Variants in DNAH10 observed in about 807,000 individuals in gnomAD.
DNAH10 encodes axonemal beta dynein heavy chain 10.
Under a neutral mutation model 506.6 loss-of-function variants are expected in DNAH10, and 348 were observed. The observed-to-expected ratio is 0.69, with a 90% CI of 0.63 to 0.75. The LOEUF is 0.75. Ranked by LOEUF, DNAH10 falls within the 30% of genes least tolerant of loss-of-function variation. The pLI is 0.00. For missense variants in DNAH10, 5,179 were observed against 5,787.1 expected (o/e 0.89, Z 3.41); for synonymous variants, 2,059 against 2,198.6 (o/e 0.94, Z 1.78).
chr12:123,934,022 GAACAA>G, intron 77 of DNAH10: 1 of 514,234 alleles, frequency 1.9e-6, no homozygotes, highest in South Asian at 3.4e-5. Context: ...TAACTGCAAG[GAACAA>G]AAGCTCTTTT....
At chr12:123,889,056 G>T (rs1299281029) in intron 52 of DNAH10, among the ~76,000 whole-genome samples, 1 of 152,178 alleles carries the variant, frequency 6.6e-6, no homozygotes. Context: ...GAGGCTGAAA[G>T]AATTTTTTCT....
At chr12:123,872,783 A>G (rs1321067729) in intron 45 of DNAH10, among the ~76,000 whole-genome samples, 3 of 152,190 alleles carry the variant, frequency 2.0e-5, no homozygotes, top group Non-Finnish European at 4.4e-5. Context: ...ACTGCACTCC[A>G]ACCTGGGCAA....
chr12:123,870,225 C>T, intron 43 of DNAH10, 141 bp from the exon 44 acceptor site: 1 of 1,080,066 alleles, frequency 9.3e-7, no homozygotes, highest in Non-Finnish European at 1.3e-6. Context: ...CGGTATCTGT[C>T]CAGTGAAGGA....
In DNAH10 at chr12:123,830,648, T is replaced by A; in HGVS notation, c.4494T>A (p.Asp1498Glu). Residue 1498 changes from aspartate (D) to glutamate (E), a missense_variant, in exon 26 of 79, where the codon GAT becomes GAA. Asp to Glu is a conservative substitution (Grantham distance 45). Coordinates refer to ENST00000673944, the MANE Select transcript of DNAH10 (RefSeq NM_001372106.1). ...CTATGGAACTGCACAAACACACAGA[T>A]GTTCTCAATGAGATTGTCACAGCAG... Reference protein sequence around the residue: ...MFAMELHKHTDVLNEIVTAAI... With the variant: ...MFAMELHKHTEVLNEIVTAAI... 1 of 1,613,786 alleles carries A rather than the reference T, an allele frequency of 6.2e-7. No homozygotes were observed.
In DNAH10 at chr12:123,777,672, G is replaced by T. The variant is rs149868044; in HGVS notation, c.621+3408G>T. ...TTTATTTACTTATTTTTGAGACAGC[G>T]TCTCATTCTGCCACCTAGGCTGGAG... On this transcript the variant is annotated intron_variant, in intron 5 of 78. Coordinates refer to ENST00000673944, the MANE Select transcript of DNAH10 (RefSeq NM_001372106.1). Among the ~76,000 whole-genome samples, 678 of 152,200 alleles carry T rather than the reference G, an allele frequency of 4.5e-3. 6 individuals carry two copies. The highest frequency in any genetic ancestry group is 0.015 in the African/African-American group (630 of 41,518).
intron 10 of DNAH10, among the ~76,000 whole-genome samples, chr12:123,788,395 T>G (rs1043041229): frequency 6.6e-6 from 1 of 152,206 alleles, no homozygotes; most frequent in African/African-American, 2.4e-5. Flanking sequence ...GCTCCACGGA[T>G]GGACAAAGTG....
chr12:123,871,431 GC>G, intron 44 of DNAH10, 25 bp from the exon 45 acceptor site: 2 of 1,580,212 alleles, frequency 1.3e-6, no homozygotes, highest in Non-Finnish European at 8.6e-7. Flanking sequence ...TTGCTGAGAT[GC>G]CCCTGTTCCT....
rs759860723 is a variant in DNAH10 at position 123,813,619 on chromosome 12, T to A, written c.3600T>A (p.Tyr1200Ter). The A allele has an allele frequency of 5.6e-6, 9 of 1,614,088 alleles. No homozygotes were observed. Among genetic ancestry groups the A allele is most frequent in the Non-Finnish European group, 1.7e-6 (2 of 1,180,028 alleles). ...LLNESAKEEL[Y>*]NLHEEMEHLA... ...ATGAGTCAGCAAAAGAGGAGCTCTATAATCTCCATGAAGAGATGGAGGTAC... is the reference window on the plus strand; with the variant it reads ...ATGAGTCAGCAAAAGAGGAGCTCTAAAATCTCCATGAAGAGATGGAGGTAC... The change falls in exon 20 of 79, where the codon TAT (tyrosine) becomes TAA (stop). Residue 1200 changes from tyrosine to a stop codon, truncating the protein, a stop_gained. Transcript: ENST00000673944. LOFTEE classifies it high-confidence loss of function.
Position 123,857,086 on chromosome 12 carries a change from A to G in DNAH10, c.6469A>G (p.Met2157Val), listed in dbSNP as rs1951423528. Residue 2157 changes from methionine to valine, a missense_variant, in exon 37 of 79, where the codon ATG becomes GTG. Met to Val is a conservative substitution (Grantham distance 21). Around this residue, in one of 3 missense-constraint regions of DNAH10, gnomAD observed 4,844 missense variants for 5,430.5 expected, o/e 0.89. Coordinates refer to ENST00000673944, the MANE Select transcript of DNAH10 (RefSeq NM_001372106.1). The stretch of plus-strand genomic sequence containing the variant: ...GGTGCTGATGAGGGCCTTGCGAGAC[A>G]TGAACTTGCCCAAATTTGTGTTTGA... ...DVVLMRALRD[M>V]NLPKFVFEDV... 3 of 1,613,072 alleles carry G rather than the reference A, an allele frequency of 1.9e-6. No individual in the cohort carries two copies. Among genetic ancestry groups the G allele is most frequent in the African/African-American group, 1.3e-5 (1 of 74,892 alleles).
chr12:123,861,197 G>A (rs1951597796), intron 39 of DNAH10, 27 bp downstream of exon 39: 1 of 1,610,142 alleles, frequency 6.2e-7, no homozygotes, highest in Non-Finnish European at 8.5e-7. Context: ...GTAGGAAAGA[G>A]CCTGGGTTAG....
rs536263115 is a variant in DNAH10, at chr12:123,785,561, G to C, written c.1231-185G>C. Among the ~76,000 whole-genome samples the C allele has an allele frequency of 2.0e-5, 3 of 151,082 alleles. No homozygotes were observed. The highest frequency in any genetic ancestry group is 4.4e-5 in the Non-Finnish European group (3 of 67,920). On this transcript the variant is annotated intron_variant, in intron 8 of 78. Transcript: ENST00000673944. The surrounding 1 kb of genome is among the most constrained non-coding windows in gnomAD (Gnocchi z 4.1). ...TGAGGTGGGAGGATCACTTGAGTCC[G>C]CAGGGGAGTCGAGGCTGCAGTAAGC... is the stretch of plus-strand genomic sequence containing the variant.
chr12:123,802,585 C>A (rs1473424699), intron 16 of DNAH10, among the ~76,000 whole-genome samples: 1 of 152,276 alleles, frequency 6.6e-6, no homozygotes, highest in East Asian at 1.9e-4. Context: ...GGATTACAGG[C>A]GTGAGCCACC....
chr12:123,905,728 CT>C (rs1006172575), intron 57 of DNAH10, among the ~76,000 whole-genome samples: 9 of 150,810 alleles, frequency 6.0e-5, no homozygotes, highest in African/African-American at 2.2e-4. Flanking sequence ...GTTATTGTTG[CT>C]TTTTATTTCA....
Position 123,833,319 on chromosome 12 carries a change from C to T in DNAH10, c.4751C>T (p.Thr1584Met), listed in dbSNP as rs114277040. 7.7e-5 allele frequency: 125 copies of T among 1,612,922 alleles called. 1 individual carries two copies. In the South Asian group the frequency reaches 8.9e-4, roughly 12 times the overall value. Reference sequence around the variant, plus strand: ...CAAACTGTTCACAAATGGGAAAAAACGCTTTCTCTAATAGGGGAAGTCATT... The same window carrying T: ...CAAACTGTTCACAAATGGGAAAAAATGCTTTCTCTAATAGGGGAAGTCATT... ...FLQTVHKWEK[T>M]LSLIGEVIEI... The change falls in exon 27 of 79, where the codon ACG (threonine) becomes ATG (methionine). Residue 1584 changes from threonine (T) to methionine (M), a missense_variant. Thr to Met is a moderately conservative substitution (Grantham distance 81, BLOSUM62 -1). Transcript: ENST00000673944.
In DNAH10 at chr12:123,841,354, T is replaced by C. The variant is rs2136616893; in HGVS notation, c.5169T>C (p.Asn1723=). The change falls in exon 30 of 79, where the codon AAT becomes AAC. Residue 1723 remains asparagine, a synonymous_variant. Coordinates refer to ENST00000673944, the MANE Select transcript of DNAH10 (RefSeq NM_001372106.1). The part of the protein sequence containing the change: ...MYDNIASLRF[N]DGDSGEKLVS... ...ACAACATAGCATCACTGAGGTTTAA[T>C]GACGGCGATAGTGGAGAAAAACTGG... 2 of 1,614,008 alleles carry C rather than the reference T, an allele frequency of 1.2e-6. No homozygotes were observed. Among genetic ancestry groups the C allele is most frequent in the Non-Finnish European group, 1.7e-6 (2 of 1,179,900 alleles).
At chr12:123,895,132 C>T (rs1028271058) in intron 54 of DNAH10, among the ~76,000 whole-genome samples, 4 of 152,208 alleles carry the variant, frequency 2.6e-5, no homozygotes, top group Non-Finnish European at 5.9e-5. Context: ...GAGTACTGTT[C>T]GGCTCTTTGT....
In DNAH10 at chr12:123,914,348, G is replaced by A; in HGVS notation, c.10372G>A (p.Glu3458Lys). 6.2e-7 allele frequency: 1 copy of A among 1,613,030 alleles called. No homozygotes were observed. Among genetic ancestry groups the A allele is most frequent in the Non-Finnish European group, 8.5e-7 (1 of 1,179,806 alleles). ...ENIRWLNDLD[E>K]LMHRRVKLLG... ...TGCCAGGTGGCTGAACGACCTGGATGAGCTGATGCACCGGCGCGTGAAGCT... is the reference window on the plus strand; with the variant it reads ...TGCCAGGTGGCTGAACGACCTGGATAAGCTGATGCACCGGCGCGTGAAGCT... Residue 3458 changes from glutamate to lysine, a missense_variant, in exon 61 of 79, where the codon GAG (glutamate) becomes AAG (lysine). Coordinates refer to ENST00000673944, the MANE Select transcript of DNAH10 (RefSeq NM_001372106.1).
Position 123,929,818 on chromosome 12 carries a change from G to A in DNAH10, c.12612+59G>A, listed in dbSNP as rs60560821. On this transcript the variant is annotated intron_variant, in intron 72 of 78. Coordinates refer to ENST00000673944, the MANE Select transcript of DNAH10 (RefSeq NM_001372106.1). Reference sequence around the variant, plus strand: ...TCTGGGGCTACAGAGCTGTGGCCTCGTGCCCCTATTTTCCTCTGAGCCCTC... The same window carrying A: ...TCTGGGGCTACAGAGCTGTGGCCTCATGCCCCTATTTTCCTCTGAGCCCTC... 9.8e-3 allele frequency: 14,653 copies of A among 1,489,110 alleles called. 666 individuals are homozygous for A. In the African/African-American group the frequency reaches 0.13, roughly 13 times the overall value. 92.2% of individuals were successfully genotyped at this position (1,489,110 alleles called of 1,614,324 possible). A position where few individuals can be genotyped will look rare whatever the true frequency, so the allele number is the denominator to read the frequency against.
intron 45 of DNAH10, among the ~76,000 whole-genome samples, chr12:123,872,393 G>A (rs1271584970): frequency 1.3e-5 from 2 of 152,096 alleles, no homozygotes; most frequent in African/African-American, 4.8e-5. Context: ...GTGGAGTCAG[G>A]CACTAGGAAG....
Sources: gnomAD v4.1 joint callset for allele counts (sites outside exome capture counted in the v4.1 genomes callset) on GRCh38, gnomAD v4.1.1 for gene constraint, gnomAD v4.1.1 regional missense constraint, Gnocchi (gnomAD v3.1) non-coding constraint, MANE v1.5 for transcripts, NCBI Gene and HGNC (gene_info 2026-07-23, HGNC 2026-07-21) for gene names.